MKLN1: variants seen among roughly 807,000 people sequenced by gnomAD.
The protein encoded by MKLN1 is muskelin.
A neutral mutation model predicts 99.0 loss-of-function variants in MKLN1; 18 were observed. The observed-to-expected ratio is 0.18, with a 90% CI of 0.13 to 0.27. MKLN1 has a LOEUF of 0.27. MKLN1 is among the 10% of genes least tolerant of loss of function. The pLI is 1.00. For missense variants in MKLN1, 621 were observed against 875.9 expected (o/e 0.71, Z 3.67); for synonymous variants, 288 against 293.2 (o/e 0.98, Z 0.18).
At chr7:131,413,720 G>A (rs1794942223) in intron 7 of MKLN1, among the ~76,000 whole-genome samples, 2 of 151,964 alleles carry the variant, frequency 1.3e-5, no homozygotes, top group Non-Finnish European at 2.9e-5. Flanking sequence ...TTGTATTTTA[G>A]TAGAGACAGG....
chr7:131,437,975 C>T lies in MKLN1; in HGVS notation c.1151C>T (p.Pro384Leu), dbSNP rs1186068333. The T allele has an allele frequency of 2.5e-6, 4 of 1,613,290 alleles. No individual in the cohort carries two copies. The highest frequency in any genetic ancestry group is 1.1e-5 in the South Asian group (1 of 91,046). ...LSEDTAADGGPKLVFDHQMCM... is the reference protein window; with the variant it reads ...LSEDTAADGGLKLVFDHQMCM... ...GAGGATACTGCTGCTGATGGAGGGCCGAAATTGGTGTTTGATCATCAGGTT... is the reference window on the plus strand; with the variant it reads ...GAGGATACTGCTGCTGATGGAGGGCTGAAATTGGTGTTTGATCATCAGGTT... The change falls in exon 10 of 18, where the codon CCG becomes CTG. Residue 384 changes from proline to leucine, a missense_variant. Pro to Leu is a moderately conservative substitution (Grantham distance 98). Coordinates refer to ENST00000352689, the MANE Select transcript of MKLN1 (RefSeq NM_013255.5).
chr7:131,364,770 C>G (rs565466203), intron 1 of MKLN1, among the ~76,000 whole-genome samples: 5 of 152,156 alleles, frequency 3.3e-5, no homozygotes, highest in Non-Finnish European at 5.9e-5. Context: ...ATCCATGTTC[C>G]CACAAAAGAA....
chr7:131,178,360 C>T (rs1796332104), intron 2 of MKLN1, among the ~76,000 whole-genome samples: 1 of 133,184 alleles, frequency 7.5e-6, no homozygotes, highest in Non-Finnish European at 1.5e-5. Context: ...TGGTCTTGAA[C>T]TCCTGACCTC....
chr7:131,315,381 T>C (rs1798646573), intron 3 of MKLN1, among the ~76,000 whole-genome samples: 2 of 152,138 alleles, frequency 1.3e-5, no homozygotes, highest in African/African-American at 4.8e-5. Context: ...CTGGATACTA[T>C]GCTTTTCCCA....
intron 3 of MKLN1, among the ~76,000 whole-genome samples, chr7:131,239,034 G>A (rs760852459): frequency 3.5e-4 from 54 of 152,234 alleles, no homozygotes; most frequent in East Asian, 5.8e-4. Context: ...AGGTTTTGAC[G>A]TATCACTAGC....
intron 2 of MKLN1, among the ~76,000 whole-genome samples, chr7:131,155,760 T>C (rs543767187): frequency 1.3e-5 from 2 of 152,314 alleles, no homozygotes; most frequent in South Asian, 2.1e-4. Context: ...AGGGCAGTTA[T>C]GTAACTTCAT....
intron 2 of MKLN1, among the ~76,000 whole-genome samples, chr7:131,386,704 AT>A (rs1292149843): frequency 6.6e-6 from 1 of 152,222 alleles, no homozygotes; most frequent in Non-Finnish European, 1.5e-5. Flanking sequence ...ACATCTAAAA[AT>A]TTTAGTGCCG....
rs544100332 is a variant in MKLN1 at position 131,197,011 on chromosome 7, C to T, written c.-296-5846C>T. Among the ~76,000 whole-genome samples, 9 of 152,198 alleles carry T rather than the reference C, an allele frequency of 5.9e-5. No homozygotes were observed. In the East Asian group the frequency reaches 7.7e-4, roughly 13 times the overall value. ...AGCTCCTTTGACTGCTGGACAGCTC[C>T]GAGTCTCCTAGGAATACTTTTCCAC... On this transcript the variant is annotated intron_variant, in intron 2 of 7. Transcript: ENST00000416992.
intron 1 of MKLN1, among the ~76,000 whole-genome samples, chr7:131,117,228 G>A (rs1037265995): frequency 2.0e-5 from 3 of 151,986 alleles, no homozygotes; most frequent in Admixed American, 6.6e-5. Flanking sequence ...TCAGGAGATC[G>A]AGACCATCCT....
intron 2 of MKLN1, among the ~76,000 whole-genome samples, chr7:131,169,041 T>C (rs1464534949): frequency 6.6e-6 from 1 of 152,166 alleles, no homozygotes; most frequent in East Asian, 1.9e-4. Context: ...CTAATATTTG[T>C]ATTTTTAGTA....
At chr7:131,171,160 T>C (rs1161091572) in intron 2 of MKLN1, among the ~76,000 whole-genome samples, 3 of 152,054 alleles carry the variant, frequency 2.0e-5, no homozygotes, top group African/African-American at 7.2e-5. Flanking sequence ...GAGGAGGTCA[T>C]TGGATGCTGA....
chr7:131,413,919 A>G (rs1265303367), intron 7 of MKLN1, among the ~76,000 whole-genome samples: 1 of 152,196 alleles, frequency 6.6e-6, no homozygotes. Flanking sequence ...GGAAGTTTAA[A>G]TAAAGTTTTA....
At chr7:131,344,959 G>A (rs1007817556) in intron 1 of MKLN1, among the ~76,000 whole-genome samples, 4 of 151,940 alleles carry the variant, frequency 2.6e-5, no homozygotes, top group Admixed American at 6.6e-5. Context: ...GCACCACTGC[G>A]CCTGGCTAAT....
intron 2 of MKLN1, among the ~76,000 whole-genome samples, chr7:131,148,632 G>A (rs142279336): frequency 1.3e-5 from 2 of 151,994 alleles, no homozygotes; most frequent in African/African-American, 2.4e-5. Context: ...AATTAGCCAG[G>A]CGTGGTGGTG....
At position 131,437,969 on chromosome 7, in the gene MKLN1, G is replaced by T; in HGVS notation, c.1145G>T (p.Gly382Val). 1.2e-6 allele frequency: 2 copies of T among 1,613,834 alleles called. No individual in the cohort carries two copies. Among genetic ancestry groups the T allele is most frequent in the Non-Finnish European group, 1.7e-6 (2 of 1,179,792 alleles). The change falls in exon 10 of 18, where the codon GGA becomes GTA. Residue 382 changes from glycine (G) to valine (V), a missense_variant. Physicochemically the swap from Gly to Val is moderately radical, Grantham distance 109. This residue lies in a region of MKLN1 where 361 missense variants were observed against 540.8 expected (regional missense o/e 0.67). Transcript: ENST00000352689. Reference sequence around the variant, plus strand: ...CTAAGTGAGGATACTGCTGCTGATGGAGGGCCGAAATTGGTGTTTGATCAT... The same window carrying T: ...CTAAGTGAGGATACTGCTGCTGATGTAGGGCCGAAATTGGTGTTTGATCAT... ...MLLSEDTAAD[G>V]GPKLVFDHQM...
intron 2 of MKLN1, among the ~76,000 whole-genome samples, chr7:131,167,419 C>A (rs1173173263): frequency 6.6e-6 from 1 of 152,134 alleles, no homozygotes; most frequent in African/African-American, 2.4e-5. Flanking sequence ...TGCCTGTAAT[C>A]CCAGCACTTT....
intron 1 of MKLN1, among the ~76,000 whole-genome samples, chr7:131,359,495 G>T (rs890525802): frequency 1.3e-5 from 2 of 152,136 alleles, no homozygotes; most frequent in African/African-American, 4.8e-5. Context: ...TGCAAAGTCA[G>T]TTAGATCTAG....
intron 3 of MKLN1, among the ~76,000 whole-genome samples, chr7:131,273,269 A>G (rs1482600200): frequency 2.6e-5 from 4 of 152,112 alleles, no homozygotes; most frequent in African/African-American, 9.7e-5. Flanking sequence ...GACACTGGGG[A>G]TTCAGAGGCA....
chr7:131,138,854 T>G (rs1385480527), intron 1 of MKLN1, among the ~76,000 whole-genome samples: 1 of 152,332 alleles, frequency 6.6e-6, no homozygotes, highest in East Asian at 1.9e-4. Context: ...GCCTTTCAGT[T>G]CAGTCATTGT....
Sources: allele counts gnomAD v4.1 joint callset (sites outside exome capture counted in the v4.1 genomes callset), GRCh38; gene constraint gnomAD v4.1.1; regional missense constraint gnomAD v4.1.1; transcripts MANE v1.5; gene names NCBI Gene and HGNC (gene_info 2026-07-23, HGNC 2026-07-21).